TUBGCP5: variants seen among roughly 807,000 people sequenced by gnomAD.
TUBGCP5 encodes the protein tubulin gamma complex component 5.
Under a neutral mutation model 134.7 loss-of-function variants are expected in TUBGCP5, and 98 were observed. The observed-to-expected ratio is 0.73, with a 90% CI of 0.62 to 0.86. TUBGCP5 has a LOEUF of 0.86. Among genes scored for constraint, TUBGCP5 ranks in the 40% least tolerant of loss-of-function variants. The probability of loss-of-function intolerance (pLI) is 0.00; values close to 1 mark genes in which losing one functional copy is unlikely to be tolerated. For missense variants in TUBGCP5, 1,150 were observed against 1,244.8 expected (o/e 0.92, Z 1.15); for synonymous variants, 456 against 431.4 (o/e 1.06, Z -0.71).
chr15:22,986,133 CAAAAA>C (rs35699215), intron 23 of TUBGCP5, among the ~76,000 whole-genome samples: 3 of 114,106 alleles, frequency 2.6e-5, no homozygotes, highest in African/African-American at 9.4e-5. Flanking sequence ...GACTCTGTCT[CAAAAA>C]AAAAAAAAAA....
rs370845831 is a variant in TUBGCP5 at position 23,006,551 on chromosome 15, G to C, written c.2328-199C>G. On this transcript the variant is annotated intron_variant, in intron 16 of 22. Coordinates refer to ENST00000615383, the MANE Select transcript of TUBGCP5 (RefSeq NM_052903.6). ...AAATTTGGATTTAGAAACAGAGAGGGAGAAAACTTTTAAACAATGAGTTTA... is the reference window on the plus strand; with the variant it reads ...AAATTTGGATTTAGAAACAGAGAGGCAGAAAACTTTTAAACAATGAGTTTA... Among the ~76,000 whole-genome samples the C allele has an allele frequency of 6.6e-5, 10 of 152,246 alleles. No individual in the cohort carries two copies. The East Asian group carries it at 9.6e-4, about 15-fold the overall frequency.
downstream of TUBGCP5, among the ~76,000 whole-genome samples, chr15:22,998,113 GAC>G (rs950426714): frequency 6.6e-6 from 1 of 151,840 alleles, no homozygotes; most frequent in African/African-American, 2.4e-5. Flanking sequence ...CCAGGAGTTC[GAC>G]ACCAGTCTGG....
chr15:23,011,053 C>A, intron 14 of TUBGCP5, 80 bp downstream of exon 14: 1 of 1,444,456 alleles, frequency 6.9e-7, no homozygotes, highest in Non-Finnish European at 9.6e-7. Context: ...TTTAGCCCTA[C>A]CTGCCAGAAA....
intron 23 of TUBGCP5, among the ~76,000 whole-genome samples, chr15:22,987,260 G>T (rs760010036): frequency 1.2e-4 from 18 of 151,574 alleles, no homozygotes; most frequent in Non-Finnish European, 2.1e-4. Context: ...CTTGAATGGG[G>T]GAGGCGGAGG....
intron 22 of TUBGCP5, 126 bp downstream of exon 22, chr15:23,000,443 G>T: frequency 6.8e-7 from 1 of 1,478,448 alleles, no homozygotes. Flanking sequence ...AACTGCTAAG[G>T]GACTTTTCAG....
chr15:23,031,839 A>C (rs1430550646), intron 5 of TUBGCP5, 111 bp downstream of exon 5: 1 of 676,086 alleles, frequency 1.5e-6, no homozygotes, highest in Non-Finnish European at 2.4e-6. Context: ...TAGCTTAGTG[A>C]AGAGTGTTCC....
Position 23,017,889 on chromosome 15 carries a change from G to A in TUBGCP5, c.1640C>T (p.Thr547Ile). 6.2e-7 allele frequency: 1 copy of A among 1,614,142 alleles called. No homozygotes were observed. The highest frequency in any genetic ancestry group is 8.5e-7 in the Non-Finnish European group (1 of 1,180,016). Residue 547 changes from threonine (T) to isoleucine (I), a missense_variant, in exon 13 of 23, where the codon ACC (threonine) becomes ATC (isoleucine). Thr to Ile is a moderately conservative substitution (Grantham distance 89). Transcript: ENST00000615383. ...GACAGGTTTGAGGAAGGACACCATG[G>A]TGTGCTGCCTGCTGGAGGGCCCCTG... Reference protein sequence around the residue: ...SDQGPSSRQHTMVSFLKPVLK... With the variant: ...SDQGPSSRQHIMVSFLKPVLK...
intron 23 of TUBGCP5, among the ~76,000 whole-genome samples, chr15:22,993,543 T>TTTC (rs2063931230): frequency 1.5e-5 from 2 of 137,360 alleles, no homozygotes; most frequent in East Asian, 2.1e-4. Flanking sequence ...TTTTTTTTTT[T>TTTC]TTTTTTTTTT....
intron 14 of TUBGCP5, among the ~76,000 whole-genome samples, chr15:23,010,334 G>A (rs993237466): frequency 1.3e-5 from 2 of 152,190 alleles, no homozygotes; most frequent in African/African-American, 4.8e-5. Context: ...AGGTACTAGA[G>A]CTGGTCTTTC....
chr15:23,000,278 C>T (rs1004459874), intron 22 of TUBGCP5: 6 of 1,259,992 alleles, frequency 4.8e-6, no homozygotes, highest in African/African-American at 4.6e-5. Context: ...AAAAACTACA[C>T]GATAGTGAAG....
chr15:22,993,631 G>A (rs2063937901), intron 23 of TUBGCP5, among the ~76,000 whole-genome samples: 2 of 136,226 alleles, frequency 1.5e-5, no homozygotes, highest in African/African-American at 5.4e-5. Context: ...TGCAACCTCC[G>A]CCTCCTGGGT....
chr15:23,025,677 A>G (rs1254060970), intron 8 of TUBGCP5, among the ~76,000 whole-genome samples: 1 of 152,066 alleles, frequency 6.6e-6, no homozygotes, highest in Non-Finnish European at 1.5e-5. Context: ...CTAAAAAAGT[A>G]AAAATTAGCC....
chr15:22,995,044 G>A (rs2064004724), downstream of TUBGCP5, among the ~76,000 whole-genome samples: 1 of 152,128 alleles, frequency 6.6e-6, no homozygotes, highest in Admixed American at 6.5e-5. Context: ...GGGAGTTCAA[G>A]AACAGCCTGG....
rs546524077 is a variant in TUBGCP5 at position 23,011,678 on chromosome 15, A to G, written c.1757-347T>C. Among the ~76,000 whole-genome samples the G allele has an allele frequency of 5.4e-5, 8 of 148,616 alleles. No individual in the cohort carries two copies. The South Asian group carries it at 1.5e-3, about 27-fold the overall frequency. On this transcript the variant is annotated intron_variant, in intron 13 of 22. Coordinates refer to ENST00000615383, the MANE Select transcript of TUBGCP5 (RefSeq NM_052903.6). ...TGCCACCACGCCCGGCTAATTTTAT[A>G]TATTTGTTTTTTAGTACAGACGGGG... is the stretch of plus-strand genomic sequence containing the variant.
chr15:22,994,087 CT>C (rs1300324300), intron 23 of TUBGCP5, among the ~76,000 whole-genome samples: 2 of 151,852 alleles, frequency 1.3e-5, no homozygotes, highest in African/African-American at 4.8e-5. Context: ...ACAATAGGGT[CT>C]TTTTTCCCTT....
intron 23 of TUBGCP5, among the ~76,000 whole-genome samples, chr15:22,984,638 C>CT (rs1567071174): frequency 6.6e-6 from 1 of 151,810 alleles, no homozygotes; most frequent in Admixed American, 6.6e-5. Flanking sequence ...ATAAAAGAAA[C>CT]TTTTTTTAAA....
At position 22,988,092 on chromosome 15, in the gene TUBGCP5, A is replaced by C. The variant is rs1469657477; in HGVS notation, c.*62-4481T>G. 4.6e-5 allele frequency among the ~76,000 whole-genome samples: 7 copies of C among 151,776 alleles called. 1 individual carries two copies. The East Asian group carries it at 9.7e-4, about 21-fold the overall frequency. On this transcript the variant is annotated intron_variant and NMD_transcript_variant, in intron 23 of 23. Coordinates refer to the TUBGCP5 transcript ENST00000614508. Reference sequence around the variant, plus strand: ...TAATACATTTCTCCTGTTTATAGCCACCCAGTCTATGGTGCTTTGTTATAG... The same window carrying C: ...TAATACATTTCTCCTGTTTATAGCCCCCCAGTCTATGGTGCTTTGTTATAG...
intron 3 of TUBGCP5, among the ~76,000 whole-genome samples, chr15:23,033,813 T>A (rs1003487374): frequency 6.6e-6 from 1 of 152,188 alleles, no homozygotes; most frequent in African/African-American, 2.4e-5. Context: ...TCTTATGAAA[T>A]GGTAGGCACT....
intron 18 of TUBGCP5, 25 bp downstream of exon 18, chr15:23,006,027 T>G: frequency 6.3e-7 from 1 of 1,576,798 alleles, no homozygotes; most frequent in Non-Finnish European, 8.6e-7. Context: ...AAAATTACAA[T>G]TTATCTGCTG....
Sources: allele counts gnomAD v4.1 joint callset (sites outside exome capture counted in the v4.1 genomes callset), GRCh38; gene constraint gnomAD v4.1.1; transcripts MANE v1.5; gene names NCBI Gene and HGNC (gene_info 2026-07-23, HGNC 2026-07-21).